The following FGD1 variants were observed in gnomAD, a reference collection of about 807,000 sequenced individuals.
FGD1 encodes the protein FYVE, RhoGEF and PH domain containing 1, also known as FYVE, RhoGEF and PH domain-containing protein 1.
A neutral mutation model predicts 65.0 loss-of-function variants in FGD1; 12 were observed. The ratio of observed to expected loss-of-function variants is 0.18; its 90% CI spans 0.12 to 0.30. The LOEUF (loss-of-function observed/expected upper bound fraction) is 0.30, where lower values mean the gene tolerates loss of function less well. Ranked by LOEUF, FGD1 falls within the 10% of genes least tolerant of loss-of-function variation. FGD1 has a pLI of 1.00. For missense variants in FGD1, 542 were observed against 837.6 expected (o/e 0.65, Z 4.36); for synonymous variants, 333 against 343.9 (o/e 0.97, Z 0.35).
intron 4 of FGD1, 85 bp downstream of exon 4, chrX:54,469,931 T>TA (rs1922843320): frequency 1.1e-6 from 1 of 880,588 alleles, no homozygotes; most frequent in African/African-American, 2.0e-5. Flanking sequence ...TTTCGAGAAA[T>TA]ACTGAGCTAG....
At chrX:54,461,118 A>T in intron 8 of FGD1, among the ~76,000 whole-genome samples, 1 of 111,619 alleles carries the variant, frequency 9.0e-6, no homozygotes, top group African/African-American at 3.3e-5. Flanking sequence ...GCTTATTTGG[A>T]GAATTTTCAC....
intron 1 of FGD1, among the ~76,000 whole-genome samples, chrX:54,491,550 T>G (rs954479717): frequency 1.5e-4 from 17 of 112,003 alleles, no homozygotes; most frequent in African/African-American, 4.5e-4. Context: ...CTAATGATGC[T>G]GACTCACTGT....
intron 1 of FGD1, among the ~76,000 whole-genome samples, chrX:54,481,832 C>A (rs1923148876): frequency 9.2e-6 from 1 of 109,113 alleles, no homozygotes; most frequent in Non-Finnish European, 1.9e-5. Context: ...TACGTAATGT[C>A]ATGGGTTTGC....
At chrX:54,446,496 G>A in intron 17 of FGD1, 82 bp from the exon 18 acceptor site, 1 of 963,315 alleles carries the variant, frequency 1.0e-6, no homozygotes, top group Non-Finnish European at 1.4e-6. Flanking sequence ...TTTTGCATAT[G>A]CTCTGTCTTC....
intron 1 of FGD1, among the ~76,000 whole-genome samples, chrX:54,489,766 G>A (rs750636654): frequency 3.6e-5 from 4 of 111,590 alleles, no homozygotes; most frequent in Non-Finnish European, 5.6e-5. Flanking sequence ...ATTGTGGAAA[G>A]CAGTTTGGTG....
intron 1 of FGD1, among the ~76,000 whole-genome samples, chrX:54,479,028 A>C (rs1314059647): frequency 8.9e-6 from 1 of 112,107 alleles, no homozygotes; most frequent in Non-Finnish European, 1.9e-5. Flanking sequence ...AAAACTGTAA[A>C]ATAAGTGTCA....
At chrX:54,451,055 GA>G (rs1345000023) in intron 12 of FGD1, among the ~76,000 whole-genome samples, 7 of 106,165 alleles carry the variant, frequency 6.6e-5, no homozygotes, top group Non-Finnish European at 1.9e-5. Flanking sequence ...TCTCAAAAAG[GA>G]AAAAAAATTC....
intron 1 of FGD1, among the ~76,000 whole-genome samples, chrX:54,489,290 G>A (rs1923361659): frequency 8.9e-6 from 1 of 112,792 alleles, no homozygotes; most frequent in South Asian, 3.6e-4. Flanking sequence ...TGAAAAAAAT[G>A]CTCAACATCA....
intron 12 of FGD1, among the ~76,000 whole-genome samples, chrX:54,452,952 G>T (rs1242687713): frequency 1.8e-5 from 2 of 111,029 alleles, no homozygotes; most frequent in Non-Finnish European, 3.8e-5. Flanking sequence ...GCATCTGGGT[G>T]CTTGTTGTAC....
chrX:54,451,640 T>C (rs771521567), intron 12 of FGD1, among the ~76,000 whole-genome samples: 4 of 105,695 alleles, frequency 3.8e-5, no homozygotes, highest in Non-Finnish European at 7.8e-5. Flanking sequence ...CAGCGGCTCA[T>C]GCCTGTAATC....
At chrX:54,469,213 G>A (rs1601954816) in intron 4 of FGD1, among the ~76,000 whole-genome samples, 1 of 112,050 alleles carries the variant, frequency 8.9e-6, no homozygotes, top group African/African-American at 3.2e-5. Context: ...CCATTCACTA[G>A]CTTGTGTAAG....
rs750793078 is a variant in FGD1, at chrX:54,470,319, A to G, written c.798T>C (p.Phe266=). ...LPEGEASRCL[F]LLAPGPRDGE... Reference sequence around the variant, plus strand: ...CGTCCCGGGGCCCAGGAGCCAGCAGAAACAGGCAGCGGGAGGCCTCACCCT... The same window carrying G: ...CGTCCCGGGGCCCAGGAGCCAGCAGGAACAGGCAGCGGGAGGCCTCACCCT... The change falls in exon 4 of 18, where the codon TTT becomes TTC. Residue 266 remains phenylalanine, a synonymous_variant. Transcript: ENST00000375135. 4.1e-6 allele frequency: 5 copies of G among 1,207,650 alleles called. No individual in the cohort carries two copies. Among genetic ancestry groups the G allele is most frequent in the Non-Finnish European group, 5.6e-6 (5 of 893,469 alleles).
chrX:54,473,795 A>G (rs1393568589), intron 1 of FGD1, among the ~76,000 whole-genome samples: 1 of 110,392 alleles, frequency 9.1e-6, no homozygotes, highest in Non-Finnish European at 1.9e-5. Context: ...GACCAGCCTG[A>G]CCAACATGGC....
At chrX:54,474,542 C>A (rs1277044605) in intron 1 of FGD1, among the ~76,000 whole-genome samples, 1 of 112,764 alleles carries the variant, frequency 8.9e-6, no homozygotes, top group East Asian at 2.8e-4. Flanking sequence ...CTTTGGGTGT[C>A]GTTCCTCACT....
intron 1 of FGD1, among the ~76,000 whole-genome samples, chrX:54,490,344 A>T (rs947124144): frequency 1.8e-5 from 2 of 111,934 alleles, no homozygotes; most frequent in Non-Finnish European, 3.8e-5. Context: ...ATAAAAGTTT[A>T]AAAAAAGATT....
rs190626603 is a variant in FGD1 at position 54,447,246 on chromosome X, G to A, written c.2580+65C>T. 2.2e-4 allele frequency: 249 copies of A among 1,129,594 alleles called. 2 individuals carry two copies. The Admixed American group carries it at 5.4e-3, about 24-fold the overall frequency. 93.1% of individuals were successfully genotyped at this position (1,129,594 alleles called of 1,213,427 possible). A position where few individuals can be genotyped will look rare whatever the true frequency, so the allele number is the denominator to read the frequency against. On this transcript the variant is annotated intron_variant, in intron 17 of 17. Coordinates refer to ENST00000375135, the MANE Select transcript of FGD1 (RefSeq NM_004463.3). ...TCACCTTATCTTCCAAGGCCAAGGA[G>A]AGGTCAAGGACTGGATCTGGCTTTG...
chrX:54,449,305 A>G (rs1007652169), intron 14 of FGD1, 37 bp from the exon 15 acceptor site: 7 of 1,205,153 alleles, frequency 5.8e-6, no homozygotes, highest in African/African-American at 5.2e-5. Context: ...AGAGACAGCT[A>G]CTCCCCAGCC....
At chrX:54,473,344 C>A (rs1365134465) in intron 1 of FGD1, among the ~76,000 whole-genome samples, 2 of 112,197 alleles carry the variant, frequency 1.8e-5, no homozygotes, top group Non-Finnish European at 3.8e-5. Flanking sequence ...CATGTCACAC[C>A]TGCAAACATG....
intron 1 of FGD1, 105 bp downstream of exon 1, chrX:54,495,021 G>C (rs1923495602): frequency 1.1e-6 from 1 of 895,708 alleles, no homozygotes; most frequent in Admixed American, 2.6e-5. Flanking sequence ...GCCGAGGTAA[G>C]CGAGCCTGTT....
Sources: allele counts gnomAD v4.1 joint callset (sites outside exome capture counted in the v4.1 genomes callset), GRCh38; gene constraint gnomAD v4.1.1; transcripts MANE v1.5; gene names NCBI Gene and HGNC (gene_info 2026-07-23, HGNC 2026-07-21).